The following BCAS3 variants were observed in gnomAD, a reference collection of about 807,000 sequenced individuals.
BCAS3 encodes the protein BCAS4/BCAS3 fusion.
A neutral mutation model predicts 116.1 loss-of-function variants in BCAS3; 53 were observed. The ratio of observed to expected loss-of-function variants is 0.46; its 90% CI spans 0.37 to 0.57. BCAS3 has a LOEUF of 0.57. Among genes scored for constraint, BCAS3 ranks in the 20% least tolerant of loss-of-function variants. BCAS3 has a pLI of 0.00. For missense variants in BCAS3, 917 were observed against 1,165.4 expected, an observed-to-expected ratio of 0.79 and a Z score of 3.10; for synonymous variants, 391 against 408.2, an observed-to-expected ratio of 0.96 and a Z score of 0.51.
intron 19 of BCAS3, among the ~76,000 whole-genome samples, chr17:61,066,017 A>G (rs1038844556): frequency 3.9e-5 from 6 of 152,240 alleles, no homozygotes; most frequent in African/African-American, 1.2e-4. Context: ...GCAGGTAACT[A>G]TATGATTATC....
Position 61,315,050 on chromosome 17 carries a change from TC to T in BCAS3, c.2426-53275del, listed in dbSNP as rs1365551123. Among the ~76,000 whole-genome samples the T allele has an allele frequency of 6.6e-6, 1 of 152,066 alleles. No individual in the cohort carries two copies. Among genetic ancestry groups the T allele is most frequent in the Non-Finnish European group, 1.5e-5 (1 of 67,996 alleles). Reference sequence around the variant, plus strand: ...CAGTGTGCCTGGAAAATGCCTTGAATCCTCTCCCCAGCATTCCAGGGGCAGT... The same window carrying T: ...CAGTGTGCCTGGAAAATGCCTTGAATCTCTCCCCAGCATTCCAGGGGCAGT... On this transcript the variant is annotated intron_variant, in intron 22 of 23. Transcript: ENST00000407086. The surrounding 1 kb of genome is among the most constrained non-coding windows in gnomAD (Gnocchi z 5.3).
intron 18 of BCAS3, among the ~76,000 whole-genome samples, chr17:61,038,876 G>T (rs761901154): frequency 2.0e-5 from 3 of 151,622 alleles, no homozygotes; most frequent in East Asian, 2.0e-4. Context: ...GTCAAGGTTG[G>T]TCTCATACTC....
intron 22 of BCAS3, among the ~76,000 whole-genome samples, chr17:61,264,911 A>G (rs960466988): frequency 4.6e-5 from 7 of 152,218 alleles, no homozygotes; most frequent in Admixed American, 6.5e-5. Context: ...AATTATGGTC[A>G]GGTTTTAGAA....
chr17:60,763,414 G>A (rs916561276), intron 6 of BCAS3, among the ~76,000 whole-genome samples: 1 of 152,158 alleles, frequency 6.6e-6, no homozygotes, highest in Non-Finnish European at 1.5e-5. Context: ...AAGTGCTGTC[G>A]AATTTTGTCG....
At chr17:61,070,080 G>A (rs375954820) in intron 19 of BCAS3, 72 of 1,582,188 alleles carry the variant, frequency 4.6e-5, no homozygotes, top group Non-Finnish European at 5.8e-5. Context: ...GGAGAAACAA[G>A]CTTGACCACT....
At chr17:61,280,229 C>T (rs4968547) in intron 22 of BCAS3, among the ~76,000 whole-genome samples, 116,133 of 152,126 alleles carry the variant, frequency 0.76, 44,476 homozygotes, top group South Asian at 0.87. Context: ...TCACTCATGG[C>T]TCAGTACTCT....
intron 6 of BCAS3, among the ~76,000 whole-genome samples, chr17:60,768,597 C>T (rs181991666): frequency 1.1e-4 from 17 of 152,212 alleles, no homozygotes; most frequent in Admixed American, 2.0e-4. Flanking sequence ...GTAAACTCCC[C>T]TTTTTTATAT....
rs2083290878 is a variant in BCAS3 at position 61,239,240 on chromosome 17, T to A, written c.2426-129087T>A. Among the ~76,000 whole-genome samples the A allele has an allele frequency of 6.6e-6, 1 of 152,160 alleles. No homozygotes were observed. Among genetic ancestry groups the A allele is most frequent in the East Asian group, 1.9e-4 (1 of 5,202 alleles). The stretch of plus-strand genomic sequence containing the variant: ...ATTGGCACCAACATCTTTATTTAGT[T>A]TGGGTTAGAACAGATTCTCTGCATA... On this transcript the variant is annotated intron_variant, in intron 22 of 23. Transcript: ENST00000407086. This position sits in a 1 kb window ranked among gnomAD's most constrained non-coding sequence, Gnocchi z 4.2.
In BCAS3 at chr17:61,208,020, T is replaced by C. The variant is rs980824010; in HGVS notation, c.2425+123456T>C. Among the ~76,000 whole-genome samples the C allele has an allele frequency of 2.0e-5, 3 of 152,146 alleles. No homozygotes were observed. Among genetic ancestry groups the C allele is most frequent in the Non-Finnish European group, 4.4e-5 (3 of 68,002 alleles). ...TTACTATTAGTCTTTTATATGGAAA[T>C]AACAAAAAACTTAGGAGATAATGTT... On this transcript the variant is annotated intron_variant, in intron 22 of 23. Transcript: ENST00000407086. The surrounding 1 kb of genome is among the most constrained non-coding windows in gnomAD (Gnocchi z 4.5).
rs746392325 is a variant in BCAS3 at position 61,015,817 on chromosome 17, C to T, written c.1553C>T (p.Ser518Phe). 2 of 1,613,954 alleles carry T rather than the reference C, an allele frequency of 1.2e-6. No homozygotes were observed. The highest frequency in any genetic ancestry group is 2.7e-5 in the African/African-American group (2 of 74,910). ...TNNNPGNPRL[S>F]PLPSLMVVMP... ...AACAACCCTGGCAACCCTCGGCTCTCTCCTCTTCCCAGCTTGATGGTAGTG... is the reference window on the plus strand; with the variant it reads ...AACAACCCTGGCAACCCTCGGCTCTTTCCTCTTCCCAGCTTGATGGTAGTG... The change falls in exon 16 of 24, where the codon TCT becomes TTT. Residue 518 changes from serine (S) to phenylalanine (F), a missense_variant. Ser to Phe is a radical substitution (Grantham distance 155). Transcript: ENST00000407086.
chr17:60,903,021 G>A (rs2057996603), intron 11 of BCAS3, among the ~76,000 whole-genome samples: 1 of 152,200 alleles, frequency 6.6e-6, no homozygotes, highest in African/African-American at 2.4e-5. Context: ...GAAAACTTGA[G>A]TCAGTCCCTC....
intron 6 of BCAS3, among the ~76,000 whole-genome samples, chr17:60,794,914 G>A (rs1372311895): frequency 1.3e-5 from 2 of 152,054 alleles, no homozygotes; most frequent in East Asian, 3.8e-4. Context: ...ATGAATTTTA[G>A]AATTGTTTTT....
In BCAS3 at chr17:61,380,424, T is replaced by G; in HGVS notation, c.2594-11553T>G. 7.4e-7 allele frequency: 1 copy of G among 1,350,842 alleles called. No individual in the cohort carries two copies. Among genetic ancestry groups the G allele is most frequent in the Admixed American group, 1.9e-5 (1 of 52,928 alleles). 83.7% of individuals were successfully genotyped at this position (1,350,842 alleles called of 1,614,324 possible). A position where few individuals can be genotyped will look rare whatever the true frequency, so the allele number is the denominator to read the frequency against. On this transcript the variant is annotated intron_variant, in intron 23 of 23. Transcript: ENST00000407086. This position sits in a 1 kb window ranked among gnomAD's most constrained non-coding sequence, Gnocchi z 4.2. ...GGTCAAACCAGATTTGGGTATCGACTCACTTTGATCTCAGCTCTTCCTGCT... is the reference window on the plus strand; with the variant it reads ...GGTCAAACCAGATTTGGGTATCGACGCACTTTGATCTCAGCTCTTCCTGCT...
At chr17:61,269,011 T>G (rs1237283466) in intron 22 of BCAS3, among the ~76,000 whole-genome samples, 6 of 152,210 alleles carry the variant, frequency 3.9e-5, no homozygotes, top group Non-Finnish European at 7.3e-5. Flanking sequence ...TTTATCCATT[T>G]ATCCATCAGT....
chr17:60,979,783 T>G (rs1421394014), intron 14 of BCAS3, among the ~76,000 whole-genome samples: 1 of 152,212 alleles, frequency 6.6e-6, no homozygotes, highest in Non-Finnish European at 1.5e-5. Flanking sequence ...GTTCTGTTTA[T>G]GTGATGGATT....
chr17:60,727,672 C>T (rs2040029100), intron 5 of BCAS3, among the ~76,000 whole-genome samples: 1 of 152,142 alleles, frequency 6.6e-6, no homozygotes, highest in Non-Finnish European at 1.5e-5. Flanking sequence ...CCACATCGTG[C>T]ACAACCTCCC....
chr17:61,357,301 A>G (rs2058203173), intron 22 of BCAS3, among the ~76,000 whole-genome samples: 1 of 148,974 alleles, frequency 6.7e-6, no homozygotes, highest in Admixed American at 6.7e-5. Flanking sequence ...AAATAAAATA[A>G]CAGGTGCCTA....
rs181621481 is a variant in BCAS3, at chr17:61,276,748, G to A, written c.2426-91579G>A. 1.1e-4 allele frequency among the ~76,000 whole-genome samples: 16 copies of A among 152,172 alleles called. No homozygotes were observed. Among genetic ancestry groups the A allele is most frequent in the East Asian group, 3.9e-4 (2 of 5,188 alleles). On this transcript the variant is annotated intron_variant, in intron 22 of 23. Transcript: ENST00000407086. This position sits in a 1 kb window ranked among gnomAD's most constrained non-coding sequence, Gnocchi z 4.2. Reference sequence around the variant, plus strand: ...ATAAATTCAAGGGTGCAGAAAAGCCGAAATAATCTTGAAAAAGAACAAAGT... The same window carrying A: ...ATAAATTCAAGGGTGCAGAAAAGCCAAAATAATCTTGAAAAAGAACAAAGT...
chr17:61,215,416 C>T lies in BCAS3; in HGVS notation c.2425+130852C>T, dbSNP rs576245137. On this transcript the variant is annotated intron_variant, in intron 22 of 23. Transcript: ENST00000407086. The surrounding 1 kb of genome is among the most constrained non-coding windows in gnomAD (Gnocchi z 4.8). ...TTCAGTTTTGTATTTTGTGAAGCAT[C>T]TACACTAGATGATTCCTGTCCTCCC... Among the ~76,000 whole-genome samples, 1 of 152,142 alleles carries T rather than the reference C, an allele frequency of 6.6e-6. No individual in the cohort carries two copies. Among genetic ancestry groups the T allele is most frequent in the Admixed American group, 6.5e-5 (1 of 15,276 alleles).
Sources: allele counts gnomAD v4.1 joint callset (sites outside exome capture counted in the v4.1 genomes callset), GRCh38; gene constraint gnomAD v4.1.1; non-coding constraint Gnocchi (gnomAD v3.1); transcripts MANE v1.5; gene names NCBI Gene and HGNC (gene_info 2026-07-23, HGNC 2026-07-21).